CABLES1: variants seen among roughly 807,000 people sequenced by gnomAD.
CABLES1 encodes CDK5 and ABL1 enzyme substrate 1.
Under a neutral mutation model 57.8 loss-of-function variants are expected in CABLES1, and 36 were observed. The ratio of observed to expected loss-of-function variants is 0.62; its 90% CI spans 0.48 to 0.82. The LOEUF is 0.82. CABLES1 is among the 40% of genes least tolerant of loss of function. The probability of loss-of-function intolerance (pLI) is 0.00; values close to 1 mark genes in which losing one functional copy is unlikely to be tolerated. For synonymous variants in CABLES1, 374 were observed against 363.0 expected, an observed-to-expected ratio of 1.03 and a Z score of -0.35; for missense variants, 767 against 836.6, an observed-to-expected ratio of 0.92 and a Z score of 1.03.
intron 7 of CABLES1, among the ~76,000 whole-genome samples, chr18:23,247,874 A>G (rs1446788196): frequency 2.6e-5 from 4 of 152,046 alleles, no homozygotes; most frequent in Non-Finnish European, 5.9e-5. Flanking sequence ...CATATTCCCC[A>G]CTTACGCGGG....
chr18:23,136,180 C>T lies in CABLES1; in HGVS notation c.418C>T (p.Leu140Phe), dbSNP rs1028185781. Residue 140 changes from leucine to phenylalanine, a missense_variant, in exon 1 of 10, where the codon CTC (leucine) becomes TTC (phenylalanine). Transcript: ENST00000256925. ...AGLAAGSGPCLPQPSSLPPLI... is the reference protein window; with the variant it reads ...AGLAAGSGPCFPQPSSLPPLI... ...GTTAGCCGCTGGGTCCGGCCCCTGCCTCCCACAGCCCTCGTCGCTGCCGCC... is the reference window on the plus strand; with the variant it reads ...GTTAGCCGCTGGGTCCGGCCCCTGCTTCCCACAGCCCTCGTCGCTGCCGCC... 2 of 1,227,756 alleles carry T rather than the reference C, an allele frequency of 1.6e-6. No individual in the cohort carries two copies. The highest frequency in any genetic ancestry group is 1.6e-5 in the African/African-American group (1 of 63,654). 76.1% of individuals were successfully genotyped at this position (1,227,756 alleles called of 1,614,324 possible). A position where few individuals can be genotyped will look rare whatever the true frequency, so the allele number is the denominator to read the frequency against.
At chr18:23,151,019 T>G (rs1397299962) in intron 1 of CABLES1, among the ~76,000 whole-genome samples, 2 of 142,244 alleles carry the variant, frequency 1.4e-5, no homozygotes, top group Admixed American at 6.8e-5. Context: ...GCCTACGTTT[T>G]TTTTTTTTTT....
intron 4 of CABLES1, among the ~76,000 whole-genome samples, chr18:23,217,391 A>AT (rs2047450055): frequency 6.6e-6 from 1 of 152,076 alleles, no homozygotes; most frequent in Middle Eastern, 3.4e-3. Flanking sequence ...CTAGAAGAGG[A>AT]TTTTTTTCTA....
At chr18:23,182,210 A>G (rs1046420830) in intron 1 of CABLES1, among the ~76,000 whole-genome samples, 2 of 152,212 alleles carry the variant, frequency 1.3e-5, no homozygotes, top group Non-Finnish European at 2.9e-5. Flanking sequence ...TATTATACAT[A>G]TCATCCACCT....
At position 23,258,878 on chromosome 18, in the gene CABLES1, G is replaced by C. The variant is rs2048230307; in HGVS notation, c.*1511G>C. On this transcript the variant is annotated 3_prime_UTR_variant, in exon 10 of 10. Transcript: ENST00000256925. ...TGGAGAAATTCAAGCAGCAGCTGGTGAGGGCCAAAACAGAATACTTGGCTT... is the reference window on the plus strand; with the variant it reads ...TGGAGAAATTCAAGCAGCAGCTGGTCAGGGCCAAAACAGAATACTTGGCTT... 6.6e-6 allele frequency: 1 copy of C among 152,112 alleles called. No individual in the cohort carries two copies. Among genetic ancestry groups the C allele is most frequent in the Non-Finnish European group, 1.5e-5 (1 of 68,030 alleles). The allele number at this position is 152,112 out of a possible 1,614,324, so 9.4% of individuals were successfully genotyped here.
chr18:23,241,358 C>T (rs950083531), intron 7 of CABLES1, among the ~76,000 whole-genome samples: 1 of 152,028 alleles, frequency 6.6e-6, no homozygotes, highest in Non-Finnish European at 1.5e-5. Context: ...TGATGAAACT[C>T]TGTCTCTACT....
At chr18:23,180,156 C>T (rs1486070259) in intron 1 of CABLES1, among the ~76,000 whole-genome samples, 5 of 152,060 alleles carry the variant, frequency 3.3e-5, no homozygotes, top group African/African-American at 4.8e-5. Flanking sequence ...CTCCTGACCT[C>T]GTGATCCACC....
intron 5 of CABLES1, 76 bp downstream of exon 5, chr18:23,234,780 C>T: frequency 4.2e-6 from 5 of 1,190,732 alleles, no homozygotes; most frequent in Non-Finnish European, 4.9e-6. Context: ...GGGGGCAGCC[C>T]ACAAGCCTCT....
At chr18:23,223,838 C>T (rs1290084796) in intron 4 of CABLES1, among the ~76,000 whole-genome samples, 1 of 152,048 alleles carries the variant, frequency 6.6e-6, no homozygotes, top group African/African-American at 2.4e-5. Context: ...GACTTACTGG[C>T]ATGCATTGAA....
At chr18:23,246,643 G>T (rs552028947) in intron 7 of CABLES1, among the ~76,000 whole-genome samples, 1 of 151,576 alleles carries the variant, frequency 6.6e-6, no homozygotes, top group East Asian at 1.9e-4. Context: ...CGCCCACCTT[G>T]GCCTCCCAAA....
intron 1 of CABLES1, among the ~76,000 whole-genome samples, chr18:23,164,892 C>T (rs374073069): frequency 1.6e-4 from 24 of 152,214 alleles, no homozygotes; most frequent in East Asian, 1.2e-3. Context: ...CTGCCTCAGC[C>T]TCCTGAGTAG....
intron 3 of CABLES1, among the ~76,000 whole-genome samples, chr18:23,200,456 G>GT (rs2047316477): frequency 1.3e-5 from 2 of 152,098 alleles, no homozygotes; most frequent in Non-Finnish European, 2.9e-5. Context: ...TAGAGACGGG[G>GT]TTTCACCATG....
At chr18:23,151,991 G>A (rs1248976560) in intron 1 of CABLES1, among the ~76,000 whole-genome samples, 1 of 152,208 alleles carries the variant, frequency 6.6e-6, no homozygotes. Context: ...TAGATACGGA[G>A]CAGGGGGAGT....
intron 7 of CABLES1, 142 bp downstream of exon 7, chr18:23,237,387 G>A (rs891845365): frequency 3.0e-6 from 2 of 670,338 alleles, no homozygotes; most frequent in African/African-American, 3.6e-5. Context: ...GCCCACGGAA[G>A]GACCAGTATT....
intron 1 of CABLES1, among the ~76,000 whole-genome samples, chr18:23,148,417 C>T (rs1406592278): frequency 6.6e-6 from 1 of 152,156 alleles, no homozygotes; most frequent in Non-Finnish European, 1.5e-5. Context: ...AGCCCCGTTT[C>T]CCCTCTGCAC....
chr18:23,253,249 G>A (rs1568095371), intron 8 of CABLES1, among the ~76,000 whole-genome samples, 183 bp downstream of exon 8: 2 of 152,192 alleles, frequency 1.3e-5, no homozygotes, highest in Non-Finnish European at 2.9e-5. Flanking sequence ...TTGGGAGGCC[G>A]AAGTGGGCGG....
intron 1 of CABLES1, among the ~76,000 whole-genome samples, chr18:23,159,161 C>T (rs1275162421): frequency 2.6e-5 from 4 of 152,212 alleles, no homozygotes; most frequent in East Asian, 3.8e-4. Context: ...GAAAGGGTTT[C>T]GCCATGTTGG....
intron 1 of CABLES1, among the ~76,000 whole-genome samples, chr18:23,167,510 T>C (rs1322657220): frequency 6.6e-6 from 1 of 152,226 alleles, no homozygotes; most frequent in Non-Finnish European, 1.5e-5. Flanking sequence ...TTGCTTCTAA[T>C]TTCTGTGGTG....
chr18:23,177,535 T>G (rs2047133254), intron 1 of CABLES1, among the ~76,000 whole-genome samples: 1 of 152,146 alleles, frequency 6.6e-6, no homozygotes, highest in East Asian at 1.9e-4. Flanking sequence ...GGGGTCTCTG[T>G]CCGGGTCCTC....
Sources: gnomAD v4.1 joint callset for allele counts (sites outside exome capture counted in the v4.1 genomes callset) on GRCh38, gnomAD v4.1.1 for gene constraint, MANE v1.5 for transcripts, NCBI Gene and HGNC (gene_info 2026-07-23, HGNC 2026-07-21) for gene names.